The following CALD1 variants were observed in gnomAD, a reference collection of about 807,000 sequenced individuals.
The protein encoded by CALD1 is caldesmon.
In CALD1, 33 loss-of-function variants were observed where a neutral mutation model predicts 99.9. The ratio of observed to expected loss-of-function variants is 0.33; its 90% CI spans 0.25 to 0.44. The LOEUF (loss-of-function observed/expected upper bound fraction) is 0.44. CALD1 is among the 20% of genes least tolerant of loss of function. The pLI is 1.00. For synonymous variants in CALD1, 310 were observed against 325.0 expected (o/e 0.95, Z 0.50); for missense variants, 861 against 962.1 (o/e 0.89, Z 1.39).
intron 3 of CALD1, among the ~76,000 whole-genome samples, chr7:134,896,154 T>C (rs2132550966): frequency 6.6e-6 from 1 of 152,300 alleles, no homozygotes. Context: ...AACACAGCAG[T>C]AGGGGCCGCC....
chr7:134,767,195 C>CTGTGTGTGTGTGTG (rs34026828), intron 1 of CALD1, among the ~76,000 whole-genome samples: 19 of 148,886 alleles, frequency 1.3e-4, no homozygotes, highest in African/African-American at 4.7e-4. Context: ...CTCTCTGTCT[C>CTGTGTGTGTGTGTG]TGTGTGTGTG....
chr7:134,919,427 C>G (rs1804451080), intron 3 of CALD1, among the ~76,000 whole-genome samples: 2 of 152,164 alleles, frequency 1.3e-5, no homozygotes, highest in African/African-American at 2.4e-5. Flanking sequence ...CAGCATATTT[C>G]CCCTGTTAGG....
chr7:134,826,282 G>C (rs17206517), intron 1 of CALD1, among the ~76,000 whole-genome samples: 20,074 of 152,104 alleles, frequency 0.13, 1,551 homozygotes, highest in South Asian at 0.35. Flanking sequence ...TCACCCACGA[G>C]CACAGCTGCC....
rs1157433861 is a variant in CALD1 at position 134,969,978 on chromosome 7, C to T, written c.*1633C>T. ...AACTATTTTCTTATCTGCAGTATTC[C>T]TCCAGAAGAGCTAACCAGGGCAGGG... On this transcript the variant is annotated 3_prime_UTR_variant, in exon 15 of 15. Transcript: ENST00000361675. 2 of 152,580 alleles carry T rather than the reference C, an allele frequency of 1.3e-5. No homozygotes were observed. The highest frequency in any genetic ancestry group is 1.5e-5 in the Non-Finnish European group (1 of 68,044). 9.5% of individuals were successfully genotyped at this position (152,580 alleles called of 1,614,324 possible).
intron 1 of CALD1, among the ~76,000 whole-genome samples, chr7:134,791,241 G>C (rs567507866): frequency 6.6e-6 from 1 of 152,332 alleles, no homozygotes; most frequent in South Asian, 2.1e-4. Flanking sequence ...CTGTCACCCA[G>C]GCTGGAGTGC....
chr7:134,792,688 T>TA (rs1334233879), intron 1 of CALD1, among the ~76,000 whole-genome samples: 1 of 152,186 alleles, frequency 6.6e-6, no homozygotes, highest in African/African-American at 2.4e-5. Flanking sequence ...TATCTCCAAA[T>TA]AAGGTCACAT....
intron 1 of CALD1, among the ~76,000 whole-genome samples, chr7:134,770,870 T>G (rs779033250): frequency 6.6e-6 from 1 of 152,184 alleles, no homozygotes; most frequent in African/African-American, 2.4e-5. Context: ...TCTGGCCACG[T>G]TGCACTGCTC....
chr7:134,958,393 C>A, intron 11 of CALD1, 103 bp downstream of exon 11: 1 of 899,472 alleles, frequency 1.1e-6, no homozygotes, highest in Non-Finnish European at 1.8e-6. Flanking sequence ...TCCAATAGCC[C>A]CAGGAGTGTT....
chr7:134,919,531 A>G (rs2132790534), intron 3 of CALD1, among the ~76,000 whole-genome samples: 1 of 152,332 alleles, frequency 6.6e-6, no homozygotes, highest in East Asian at 1.9e-4. Context: ...GTACATACAT[A>G]AGAACACTAA....
the CALD1 span, among the ~76,000 whole-genome samples, chr7:134,713,900 C>A: frequency 3.3e-5 from 5 of 152,282 alleles, no homozygotes; most frequent in East Asian, 9.7e-4. Flanking sequence ...GTCTGTGTCA[C>A]TGCCCAAATC....
At chr7:134,748,452 A>G (rs752704182) in intron 1 of CALD1, among the ~76,000 whole-genome samples, 16 of 152,186 alleles carry the variant, frequency 1.1e-4, no homozygotes, top group Non-Finnish European at 1.9e-4. Context: ...GCTCACGCCT[A>G]TAATCCCAGC....
At chr7:134,748,287 C>T (rs1562988027) in intron 1 of CALD1, among the ~76,000 whole-genome samples, 1 of 152,212 alleles carries the variant, frequency 6.6e-6, no homozygotes, top group Admixed American at 6.5e-5. Context: ...TGGATAGTAC[C>T]TGCGGTCTCA....
At chr7:134,879,568 T>TC in intron 3 of CALD1, among the ~76,000 whole-genome samples, 2 of 152,234 alleles carry the variant, frequency 1.3e-5, no homozygotes, top group South Asian at 4.2e-4. Context: ...AGAGTACAAC[T>TC]TTTTTTTAAA....
intron 6 of CALD1, among the ~76,000 whole-genome samples, chr7:134,939,510 T>A (rs1442450411): frequency 6.6e-6 from 1 of 152,192 alleles, no homozygotes; most frequent in Non-Finnish European, 1.5e-5. Context: ...CCGAGGGACA[T>A]CCTAGGTATA....
chr7:134,889,824 A>G (rs1802058277), intron 3 of CALD1, among the ~76,000 whole-genome samples: 4 of 152,234 alleles, frequency 2.6e-5, no homozygotes, highest in African/African-American at 9.6e-5. Flanking sequence ...AAATGCATAT[A>G]TACATAATGA....
the CALD1 span, among the ~76,000 whole-genome samples, chr7:134,716,130 A>G: frequency 6.6e-6 from 1 of 152,190 alleles, no homozygotes; most frequent in Non-Finnish European, 1.5e-5. Flanking sequence ...TGTGTCTTGA[A>G]CTTACTGTAC....
chr7:134,760,093 T>G (rs1196663088), intron 1 of CALD1, among the ~76,000 whole-genome samples: 1 of 152,192 alleles, frequency 6.6e-6, no homozygotes, highest in Non-Finnish European at 1.5e-5. Flanking sequence ...CTCAGTGTGT[T>G]GCAGGAACAA....
At chr7:134,717,836 T>C in the CALD1 span, among the ~76,000 whole-genome samples, 5 of 152,320 alleles carry the variant, frequency 3.3e-5, no homozygotes, top group East Asian at 9.6e-4. Context: ...AAAAAACAAA[T>C]GACTAAGAAA....
intron 1 of CALD1, among the ~76,000 whole-genome samples, chr7:134,766,173 AG>A (rs1796825387): frequency 1.3e-5 from 1 of 74,498 alleles, no homozygotes; most frequent in Middle Eastern, 0.013. Flanking sequence ...TTTTTTTGAG[AG>A]GGAGTCTCAC....
Sources: gnomAD v4.1 joint callset for allele counts (sites outside exome capture counted in the v4.1 genomes callset) on GRCh38, gnomAD v4.1.1 for gene constraint, MANE v1.5 for transcripts, NCBI Gene and HGNC (gene_info 2026-07-23, HGNC 2026-07-21) for gene names.